Variants in DGKI observed in about 807,000 individuals in gnomAD.
DGKI encodes the protein diacylglycerol kinase iota, also known as DAG kinase iota.
In DGKI, 55 loss-of-function variants were observed where a neutral mutation model predicts 147.5. The observed-to-expected ratio is 0.37, with a 90% CI of 0.30 to 0.47. The LOEUF is 0.47. DGKI is among the 20% of genes least tolerant of loss of function. The pLI is 1.00. For missense variants in DGKI, 1,007 were observed against 1,323.8 expected (o/e 0.76, Z 3.71); for synonymous variants, 469 against 477.1 (o/e 0.98, Z 0.22).
chr7:137,789,276 C>G (rs1270165230), intron 1 of DGKI, among the ~76,000 whole-genome samples: 1 of 151,796 alleles, frequency 6.6e-6, no homozygotes, highest in East Asian at 1.9e-4. Flanking sequence ...TAAATGAATG[C>G]AAAAGATTTG....
chr7:137,833,707 G>A (rs1024526051), intron 1 of DGKI, among the ~76,000 whole-genome samples: 1 of 152,184 alleles, frequency 6.6e-6, no homozygotes, highest in African/African-American at 2.4e-5. Context: ...AAGTCCAAGA[G>A]AGTCTGGTCG....
chr7:137,842,680 C>T (rs922151013), intron 1 of DGKI, among the ~76,000 whole-genome samples: 4 of 152,116 alleles, frequency 2.6e-5, no homozygotes, highest in South Asian at 2.1e-4. Context: ...AAACCTCTAA[C>T]GAGGATATCT....
chr7:137,757,101 G>A (rs753284334), intron 1 of DGKI, among the ~76,000 whole-genome samples: 6 of 151,632 alleles, frequency 4.0e-5, no homozygotes, highest in Non-Finnish European at 7.4e-5. Flanking sequence ...CATGAAAGCC[G>A]CCCCTGACTT....
intron 1 of DGKI, among the ~76,000 whole-genome samples, chr7:137,782,069 C>T (rs1462161316): frequency 6.6e-6 from 1 of 152,178 alleles, no homozygotes; most frequent in African/African-American, 2.4e-5. Flanking sequence ...TAGGAACATA[C>T]CAGAAAAGCT....
At chr7:137,660,591 G>C (rs944655009) in intron 3 of DGKI, among the ~76,000 whole-genome samples, 12 of 152,264 alleles carry the variant, frequency 7.9e-5, no homozygotes, top group African/African-American at 2.4e-4. Flanking sequence ...GGCAGTGGTA[G>C]AGAGTATACA....
chr7:137,672,766 CTTTTTTTTTTT>C (rs60078498), intron 3 of DGKI, among the ~76,000 whole-genome samples: 67 of 65,686 alleles, frequency 1.0e-3, no homozygotes, highest in South Asian at 9.9e-3. Context: ...CTCTGTGTGT[CTTTTTTTTTTT>C]TTTTTTTTTT....
chr7:137,591,100 A>G (rs1195899106), intron 12 of DGKI, among the ~76,000 whole-genome samples: 2 of 152,204 alleles, frequency 1.3e-5, no homozygotes, highest in Admixed American at 6.5e-5. Flanking sequence ...GATTCCTCAC[A>G]AAGGCAGAGC....
intron 1 of DGKI, among the ~76,000 whole-genome samples, chr7:137,813,236 G>A (rs1234862844): frequency 1.3e-5 from 2 of 152,154 alleles, no homozygotes; most frequent in African/African-American, 2.4e-5. Context: ...AGTCACTCTC[G>A]GGAGCATCAC....
chr7:137,410,775 C>A (rs1812133527), intron 29 of DGKI, among the ~76,000 whole-genome samples: 1 of 152,208 alleles, frequency 6.6e-6, no homozygotes, highest in Non-Finnish European at 1.5e-5. Context: ...TTTATTCATG[C>A]CTTTGTTTCC....
At position 137,444,122 on chromosome 7, in the gene DGKI, A is replaced by C. The variant is rs769515377; in HGVS notation, c.2736-20T>G. ...GGTGACCTAAAAGGAAATAATAAGC[A>C]TGATCAATATTTTATATGATAATTA... is the stretch of plus-strand genomic sequence containing the variant. On this transcript the variant is annotated intron_variant, in intron 27 of 32. Transcript: ENST00000614521. 4 of 1,353,846 alleles carry C rather than the reference A, an allele frequency of 3.0e-6. No individual in the cohort carries two copies. Among genetic ancestry groups the C allele is most frequent in the Non-Finnish European group, 4.1e-6 (4 of 975,636 alleles). The allele number at this position is 1,353,846 out of a possible 1,614,324, so 83.9% of individuals were successfully genotyped here.
chr7:137,406,532 C>T (rs1050716013), intron 30 of DGKI, among the ~76,000 whole-genome samples: 5 of 151,960 alleles, frequency 3.3e-5, no homozygotes, highest in Non-Finnish European at 4.4e-5. Flanking sequence ...TATTTCAGAC[C>T]AAGGGTTCAA....
chr7:137,793,298 C>CT (rs1268908964), intron 1 of DGKI, among the ~76,000 whole-genome samples: 51 of 144,412 alleles, frequency 3.5e-4, no homozygotes, highest in Middle Eastern at 3.4e-3. Flanking sequence ...ATTTTGCTGC[C>CT]TTTTTTTTGT....
intron 23 of DGKI, among the ~76,000 whole-genome samples, chr7:137,471,788 T>C (rs1814900179): frequency 6.6e-6 from 1 of 150,898 alleles, no homozygotes; most frequent in Admixed American, 6.6e-5. Flanking sequence ...CCAAAATCTA[T>C]ATTTATAAAT....
intron 1 of DGKI, among the ~76,000 whole-genome samples, chr7:137,798,338 T>A (rs1233388156): frequency 6.6e-6 from 1 of 152,208 alleles, no homozygotes; most frequent in Admixed American, 6.5e-5. Flanking sequence ...CAACCTACTC[T>A]ACGTGGCCAG....
intron 1 of DGKI, among the ~76,000 whole-genome samples, chr7:137,744,728 G>A (rs994656666): frequency 6.6e-6 from 1 of 152,144 alleles, no homozygotes; most frequent in African/African-American, 2.4e-5. Flanking sequence ...GGGATGCAAG[G>A]ATGGTTCAAT....
intron 1 of DGKI, among the ~76,000 whole-genome samples, chr7:137,737,859 CT>C (rs1399018306): frequency 2.0e-5 from 3 of 152,124 alleles, no homozygotes. Context: ...CCTTGGGAAT[CT>C]GAGACTTCAC....
intron 1 of DGKI, among the ~76,000 whole-genome samples, chr7:137,717,432 GAA>G (rs966994767): frequency 3.3e-5 from 5 of 152,108 alleles, no homozygotes; most frequent in Non-Finnish European, 5.9e-5. Context: ...AATGAAAAAA[GAA>G]ATAAAATCTA....
chr7:137,535,451 A>T (rs1367985573), intron 20 of DGKI, among the ~76,000 whole-genome samples: 3 of 152,058 alleles, frequency 2.0e-5, no homozygotes, highest in Non-Finnish European at 4.4e-5. Context: ...TTTATTTTTT[A>T]AAAATTTCAT....
At chr7:137,747,587 A>G (rs1042371308) in intron 1 of DGKI, among the ~76,000 whole-genome samples, 3 of 152,218 alleles carry the variant, frequency 2.0e-5, no homozygotes, top group Admixed American at 2.0e-4. Flanking sequence ...TTGAGCCCCT[A>G]TACTCAGGCC....
Sources: allele counts gnomAD v4.1 joint callset (sites outside exome capture counted in the v4.1 genomes callset), GRCh38; gene constraint gnomAD v4.1.1; transcripts MANE v1.5; gene names NCBI Gene and HGNC (gene_info 2026-07-23, HGNC 2026-07-21).